The following TRPC4AP variants were observed in gnomAD, a reference collection of about 807,000 sequenced individuals.
TRPC4AP encodes transient receptor potential cation channel subfamily C member 4 associated protein.
Under a neutral mutation model 99.0 loss-of-function variants are expected in TRPC4AP, and 45 were observed. The observed-to-expected ratio is 0.45, with a 90% CI of 0.36 to 0.58. The LOEUF (loss-of-function observed/expected upper bound fraction) is 0.58. TRPC4AP is among the 20% of genes least tolerant of loss of function. The pLI, the probability that TRPC4AP is intolerant of heterozygous loss-of-function variation, is 0.00. For synonymous variants in TRPC4AP, 408 were observed against 385.8 expected, an observed-to-expected ratio of 1.06 and a Z score of -0.67; for missense variants, 879 against 985.3, an observed-to-expected ratio of 0.89 and a Z score of 1.44.
chr20:35,091,930 A>G (rs77729998), intron 1 of TRPC4AP, among the ~76,000 whole-genome samples: 1 of 152,308 alleles, frequency 6.6e-6, no homozygotes, highest in East Asian at 1.9e-4. Flanking sequence ...AAGAGAGAGG[A>G]GCAGGGCTTT....
intron 9 of TRPC4AP, among the ~76,000 whole-genome samples, chr20:35,018,955 CA>C (rs972241174): frequency 3.9e-5 from 6 of 152,218 alleles, no homozygotes; most frequent in African/African-American, 1.4e-4. Flanking sequence ...AGAAGCTACT[CA>C]GGGGGCACTA....
chr20:35,020,904 T>G (rs561239126), intron 9 of TRPC4AP, among the ~76,000 whole-genome samples: 1 of 152,286 alleles, frequency 6.6e-6, no homozygotes, highest in Non-Finnish European at 1.5e-5. Context: ...TTGCCAGCTT[T>G]CAACTCTTTA....
chr20:35,026,288 T>A (rs1174133121), intron 8 of TRPC4AP, among the ~76,000 whole-genome samples: 1 of 151,900 alleles, frequency 6.6e-6, no homozygotes, highest in African/African-American at 2.4e-5. Flanking sequence ...AATCACAGGT[T>A]ACTGCAGCCT....
intron 10 of TRPC4AP, among the ~76,000 whole-genome samples, chr20:35,015,189 C>T (rs887270454): frequency 1.2e-4 from 18 of 152,012 alleles, no homozygotes; most frequent in Admixed American, 4.6e-4. Context: ...TTAGTAGAGA[C>T]GGGGTTTCAC....
chr20:35,055,195 G>A (rs2083796490), intron 4 of TRPC4AP, among the ~76,000 whole-genome samples, 164 bp from the exon 5 acceptor site: 1 of 151,930 alleles, frequency 6.6e-6, no homozygotes, highest in Non-Finnish European at 1.5e-5. Context: ...TTTTCATAGT[G>A]CCCATCAGAA....
At chr20:35,008,847 C>T in intron 12 of TRPC4AP, 100 bp from the exon 13 acceptor site, 2 of 1,100,222 alleles carry the variant, frequency 1.8e-6, no homozygotes, top group Non-Finnish European at 2.7e-6. Flanking sequence ...ACCATGGGGA[C>T]ATTTCCAAGT....
rs993625015 is a variant in TRPC4AP, at chr20:35,074,386, G to A, written c.297+3660C>T. ...TAGGGTGTCAATTTTAGATCTTTCC[G>A]GCTTTCTCTTGTGTGCATTTAGTGC... is the stretch of plus-strand genomic sequence containing the variant. On this transcript the variant is annotated intron_variant, in intron 2 of 18. Coordinates refer to ENST00000252015, the MANE Select transcript of TRPC4AP (RefSeq NM_015638.3). Among the ~76,000 whole-genome samples the A allele has an allele frequency of 4.1e-4, 63 of 151,858 alleles. 1 individual carries two copies. The highest frequency in any genetic ancestry group is 5.8e-4 in the East Asian group (3 of 5,178).
At chr20:35,022,777 T>C (rs911826598) in intron 8 of TRPC4AP, among the ~76,000 whole-genome samples, 1 of 152,100 alleles carries the variant, frequency 6.6e-6, no homozygotes, top group Non-Finnish European at 1.5e-5. Flanking sequence ...TCCCAGGACT[T>C]TGGGAGGCCG....
chr20:35,070,062 C>T (rs946950253), intron 2 of TRPC4AP, among the ~76,000 whole-genome samples: 2 of 152,136 alleles, frequency 1.3e-5, no homozygotes, highest in Middle Eastern at 3.2e-3. Context: ...AGAGCAACAT[C>T]CTTAGTTGAT....
chr20:35,040,813 C>A (rs143351375), intron 7 of TRPC4AP, among the ~76,000 whole-genome samples: 4 of 152,212 alleles, frequency 2.6e-5, no homozygotes, highest in Admixed American at 1.3e-4. Flanking sequence ...CGCCTGTGAT[C>A]GTGTGAGCCA....
At chr20:35,050,914 T>C (rs1402020317) in intron 5 of TRPC4AP, among the ~76,000 whole-genome samples, 2 of 152,044 alleles carry the variant, frequency 1.3e-5, no homozygotes, top group Admixed American at 6.6e-5. Context: ...AGAGGACCGC[T>C]TGAGGCCAGG....
chr20:35,069,339 G>A lies in TRPC4AP; in HGVS notation c.371C>T (p.Thr124Ile). The part of the protein sequence containing the change: ...TEERKLTQET[T>I]YPNTYIFDLF... ...GTCAAAAATGTAAGTATTTGGATAA[G>A]TGGTTTCTTGGGTAAGTTTCCTCTC... The change falls in exon 3 of 19, where the codon ACT becomes ATT. Residue 124 changes from threonine to isoleucine, a missense_variant. Around this residue, in one of 3 missense-constraint regions of TRPC4AP, gnomAD observed 603 missense variants for 631.8 expected, o/e 0.95. Transcript: ENST00000252015. 1.9e-6 allele frequency: 3 copies of A among 1,612,382 alleles called. No homozygotes were observed. The highest frequency in any genetic ancestry group is 2.2e-5 in the East Asian group (1 of 44,828).
intron 3 of TRPC4AP, among the ~76,000 whole-genome samples, chr20:35,061,363 T>C (rs1344054304): frequency 2.6e-5 from 4 of 152,210 alleles, no homozygotes; most frequent in Non-Finnish European, 4.4e-5. Flanking sequence ...TATCTTGTAG[T>C]TCATGGATCA....
At chr20:35,052,195 G>C (rs2083718406) in intron 5 of TRPC4AP, among the ~76,000 whole-genome samples, 1 of 151,098 alleles carries the variant, frequency 6.6e-6, no homozygotes, top group Non-Finnish European at 1.5e-5. Context: ...AACCTCTCAG[G>C]CTCAAGCAAT....
At chr20:35,054,626 A>G (rs965291204) in intron 5 of TRPC4AP, among the ~76,000 whole-genome samples, 8 of 152,334 alleles carry the variant, frequency 5.3e-5, no homozygotes, top group African/African-American at 1.9e-4. Flanking sequence ...TTTTCTAACA[A>G]GGAAAATGAA....
At chr20:35,009,736 G>GC (rs1015646953) in intron 12 of TRPC4AP, among the ~76,000 whole-genome samples, 1 of 152,204 alleles carries the variant, frequency 6.6e-6, no homozygotes, top group Non-Finnish European at 1.5e-5. Flanking sequence ...TGTGAGACTA[G>GC]CCCCCCACTG....
chr20:35,008,632 C>T (rs1371083576), intron 13 of TRPC4AP, 32 bp downstream of exon 13: 2 of 1,600,864 alleles, frequency 1.2e-6, no homozygotes. Flanking sequence ...TGCAGCCCCG[C>T]AGAATCGGCA....
chr20:35,084,761 T>C (rs1021238104), intron 1 of TRPC4AP, among the ~76,000 whole-genome samples: 3 of 148,426 alleles, frequency 2.0e-5, no homozygotes, highest in Non-Finnish European at 3.0e-5. Flanking sequence ...TGCATATATA[T>C]GTATATGTAT....
chr20:35,062,302 A>G (rs1453879270), intron 3 of TRPC4AP, among the ~76,000 whole-genome samples: 1 of 152,190 alleles, frequency 6.6e-6, no homozygotes. Context: ...ACCAAGGGAA[A>G]TTTTTTAGTA....
Sources: gnomAD v4.1 joint callset for allele counts (sites outside exome capture counted in the v4.1 genomes callset) on GRCh38, gnomAD v4.1.1 for gene constraint, gnomAD v4.1.1 regional missense constraint, MANE v1.5 for transcripts, NCBI Gene and HGNC (gene_info 2026-07-23, HGNC 2026-07-21) for gene names.